CNTN4: variants seen among roughly 807,000 people sequenced by gnomAD.
CNTN4 encodes the protein contactin 4.
Under a neutral mutation model 122.5 loss-of-function variants are expected in CNTN4, and 77 were observed. That is an observed-to-expected ratio of 0.63 (90% confidence interval 0.52 to 0.76). CNTN4 has a LOEUF of 0.76. CNTN4 is among the 30% of genes least tolerant of loss of function. The pLI, the probability that CNTN4 is intolerant of heterozygous loss-of-function variation, is 0.00. For synonymous variants in CNTN4, 512 were observed against 447.0 expected (o/e 1.15, Z -1.83); for missense variants, 1,256 against 1,259.1 (o/e 1.00, Z 0.04).
intron 6 of CNTN4, among the ~76,000 whole-genome samples, chr3:2,789,591 C>A (rs1157323679): frequency 6.6e-6 from 1 of 152,172 alleles, no homozygotes; most frequent in Non-Finnish European, 1.5e-5. Flanking sequence ...CGCCACCATG[C>A]CCGGTGAATT....
intron 3 of CNTN4, among the ~76,000 whole-genome samples, chr3:2,473,204 C>T (rs1435897829): frequency 7.1e-6 from 1 of 141,678 alleles, no homozygotes; most frequent in East Asian, 2.1e-4. Flanking sequence ...GTGCTCCAGC[C>T]TGGGCAACAA....
intron 6 of CNTN4, among the ~76,000 whole-genome samples, chr3:2,768,742 C>T (rs965910910): frequency 6.6e-6 from 1 of 152,194 alleles, no homozygotes; most frequent in Non-Finnish European, 1.5e-5. Flanking sequence ...AAAAAAATAA[C>T]TAATAGTTAA....
At chr3:2,376,918 G>A (rs1345002724) in intron 3 of CNTN4, among the ~76,000 whole-genome samples, 2 of 152,030 alleles carry the variant, frequency 1.3e-5, no homozygotes, top group African/African-American at 4.8e-5. Context: ...AGCACTTTGG[G>A]AGACTGAGGC....
intron 4 of CNTN4, among the ~76,000 whole-genome samples, chr3:2,677,858 G>A (rs1244080441): frequency 6.6e-6 from 1 of 151,974 alleles, no homozygotes; most frequent in African/African-American, 2.4e-5. Flanking sequence ...AATGAGAAAC[G>A]GTACAATTTG....
intron 2 of CNTN4, among the ~76,000 whole-genome samples, chr3:2,284,663 A>T (rs1348822119): frequency 6.6e-6 from 1 of 152,022 alleles, no homozygotes; most frequent in Non-Finnish European, 1.5e-5. Flanking sequence ...ATTGAAATCA[A>T]ATTCCTGCAA....
intron 3 of CNTN4, among the ~76,000 whole-genome samples, chr3:2,429,021 T>C (rs187601356): frequency 3.5e-4 from 54 of 152,334 alleles, no homozygotes; most frequent in African/African-American, 1.0e-3. Context: ...GGTTCGGACA[T>C]CCTTCTTTTG....
chr3:2,287,763 GAAGAAGAAGAAGAA>G (rs2041992587), intron 2 of CNTN4, among the ~76,000 whole-genome samples: 1 of 145,224 alleles, frequency 6.9e-6, no homozygotes, highest in Admixed American at 6.8e-5. Flanking sequence ...AGAAGAAGAA[GAAGAAGAAGAAGAA>G]GGAGAAGAAG....
At chr3:2,994,943 T>C (rs1695396077) in intron 14 of CNTN4, among the ~76,000 whole-genome samples, 1 of 152,144 alleles carries the variant, frequency 6.6e-6, no homozygotes, top group Admixed American at 6.6e-5. Context: ...ACTGAATACA[T>C]TTCAACCCAA....
At chr3:2,866,675 TG>T in intron 7 of CNTN4, 76 bp from the exon 8 acceptor site, 1 of 1,387,602 alleles carries the variant, frequency 7.2e-7, no homozygotes, top group Non-Finnish European at 1.0e-6. Context: ...ATTTTTAACC[TG>T]ATCATTTCTT....
intron 4 of CNTN4, among the ~76,000 whole-genome samples, chr3:2,585,250 A>C (rs922833740): frequency 6.6e-6 from 1 of 151,874 alleles, no homozygotes; most frequent in African/African-American, 2.4e-5. Flanking sequence ...GGGACTGTAA[A>C]CTAGTTCAAC....
chr3:2,285,312 A>G (rs2041863587), intron 2 of CNTN4, among the ~76,000 whole-genome samples: 1 of 152,122 alleles, frequency 6.6e-6, no homozygotes, highest in South Asian at 2.1e-4. Flanking sequence ...TAGTTAACCA[A>G]AATAGTTTAT....
chr3:2,424,471 G>T (rs1354753459), intron 3 of CNTN4, among the ~76,000 whole-genome samples: 2 of 152,136 alleles, frequency 1.3e-5, no homozygotes, highest in African/African-American at 4.8e-5. Flanking sequence ...ATCATTGATG[G>T]AGATTTGGGT....
At chr3:2,782,580 A>G (rs376735087) in intron 6 of CNTN4, among the ~76,000 whole-genome samples, 9 of 151,730 alleles carry the variant, frequency 5.9e-5, no homozygotes, top group African/African-American at 1.7e-4. Flanking sequence ...AAGAATTAGC[A>G]TAAGTCCCAG....
intron 6 of CNTN4, among the ~76,000 whole-genome samples, chr3:2,815,821 G>A (rs781076795): frequency 6.6e-6 from 1 of 150,768 alleles, no homozygotes; most frequent in Non-Finnish European, 1.5e-5. Context: ...TAGCAAAATC[G>A]TGGAACCAAC....
chr3:2,537,178 T>A (rs548813781), intron 3 of CNTN4, among the ~76,000 whole-genome samples: 107 of 152,230 alleles, frequency 7.0e-4, no homozygotes, highest in African/African-American at 2.5e-3. Context: ...AGTGCATGTT[T>A]TCATACACTA....
At chr3:2,141,213 A>C (rs780066925) in intron 2 of CNTN4, among the ~76,000 whole-genome samples, 1 of 152,162 alleles carries the variant, frequency 6.6e-6, no homozygotes, top group Non-Finnish European at 1.5e-5. Context: ...TGAATATGCT[A>C]CCTCACATGG....
intron 2 of CNTN4, among the ~76,000 whole-genome samples, chr3:2,160,826 G>T (rs2035935330): frequency 6.6e-6 from 1 of 152,038 alleles, no homozygotes; most frequent in African/African-American, 2.4e-5. Context: ...GTCACATTTG[G>T]TCCATAAATT....
chr3:2,964,167 A>G (rs1167106653), intron 13 of CNTN4, among the ~76,000 whole-genome samples: 1 of 152,218 alleles, frequency 6.6e-6, no homozygotes, highest in East Asian at 1.9e-4. Flanking sequence ...GATACACAAT[A>G]TGTGAGCTTT....
intron 4 of CNTN4, among the ~76,000 whole-genome samples, chr3:2,576,917 C>T (rs2079716359): frequency 6.6e-6 from 1 of 152,150 alleles, no homozygotes; most frequent in African/African-American, 2.4e-5. Flanking sequence ...TTTTCTGCCT[C>T]AAGTCTTTAT....
Sources: allele counts gnomAD v4.1 joint callset (sites outside exome capture counted in the v4.1 genomes callset), GRCh38; gene constraint gnomAD v4.1.1; transcripts MANE v1.5; gene names NCBI Gene and HGNC (gene_info 2026-07-23, HGNC 2026-07-21).